PTPRD: variants seen among roughly 807,000 people sequenced by gnomAD.
The protein encoded by PTPRD is protein tyrosine phosphatase receptor type D.
PTPRD carries 34 observed loss-of-function variants against 214.5 expected under a neutral mutation model. The observed-to-expected ratio is 0.16, with a 90% CI of 0.12 to 0.21. The LOEUF is 0.21. Ranked by LOEUF, PTPRD falls within the 10% of genes least tolerant of loss-of-function variation. The probability of loss-of-function intolerance (pLI) is 1.00; values close to 1 mark genes in which losing one functional copy is unlikely to be tolerated. For synonymous variants in PTPRD, 1,128 were observed against 845.7 expected (o/e 1.33, Z -5.79); for missense variants, 2,545 against 2,398.7 (o/e 1.06, Z -1.27).
At chr9:8,344,452 A>ATTT (rs33929426) in intron 39 of PTPRD, among the ~76,000 whole-genome samples, 100 of 150,746 alleles carry the variant, frequency 6.6e-4, no homozygotes, top group Admixed American at 1.5e-3. Flanking sequence ...CATAATGGTG[A>ATTT]TTTTTTTTTT....
chr9:10,517,301 C>T (rs1471648961), intron 2 of PTPRD, among the ~76,000 whole-genome samples: 1 of 151,724 alleles, frequency 6.6e-6, no homozygotes, highest in African/African-American at 2.4e-5. Context: ...AAGTTTATTC[C>T]TAAGTGATTA....
chr9:8,958,938 G>A (rs921941205), intron 11 of PTPRD: 5 of 151,926 alleles, frequency 3.3e-5, no homozygotes, highest in Non-Finnish European at 7.4e-5. Context: ...AATGAATTTT[G>A]TTTTAAGTTA....
intron 5 of PTPRD, among the ~76,000 whole-genome samples, chr9:9,844,281 T>A (rs1218041455): frequency 6.6e-6 from 1 of 151,974 alleles, no homozygotes; most frequent in Non-Finnish European, 1.5e-5. Flanking sequence ...ACATCCATCA[T>A]CACCCATGCT....
intron 4 of PTPRD, among the ~76,000 whole-genome samples, chr9:9,969,157 G>A (rs2094919663): frequency 7.1e-6 from 1 of 140,360 alleles, no homozygotes; most frequent in Admixed American, 7.0e-5. Flanking sequence ...AGGTTACATA[G>A]AAATTAGGTG....
intron 10 of PTPRD, among the ~76,000 whole-genome samples, chr9:9,129,316 G>A (rs190966468): frequency 6.6e-6 from 1 of 152,288 alleles, no homozygotes; most frequent in Admixed American, 6.5e-5. Context: ...CTGGAACCCA[G>A]GAGGCAGAGG....
chr9:8,755,697 T>C (rs981137726), intron 11 of PTPRD, among the ~76,000 whole-genome samples: 6 of 152,214 alleles, frequency 3.9e-5, no homozygotes, highest in African/African-American at 1.4e-4. Flanking sequence ...AACAGCTTAT[T>C]AATGCATAGT....
intron 36 of PTPRD, among the ~76,000 whole-genome samples, chr9:8,402,699 C>A (rs200523670): frequency 6.8e-6 from 1 of 146,052 alleles, no homozygotes; most frequent in Admixed American, 6.9e-5. Flanking sequence ...CACAAAAAAA[C>A]CTGTATTTTT....
In PTPRD at chr9:10,555,626, G is replaced by C. The variant is rs528907845; in HGVS notation, c.-600+56772C>G. On this transcript the variant is annotated intron_variant, in intron 2 of 45. Coordinates refer to ENST00000381196, the MANE Select transcript of PTPRD (RefSeq NM_002839.4). ...ACTCAACATTCTAATTACCGGCCTT[G>C]AAAATGTATTCCTTTTTGCACACAG... is the stretch of plus-strand genomic sequence containing the variant. Among the ~76,000 whole-genome samples the C allele has an allele frequency of 1.6e-3, 240 of 152,264 alleles. 1 individual carries two copies. The highest frequency in any genetic ancestry group is 5.4e-3 in the African/African-American group (225 of 41,558).
intron 3 of PTPRD, among the ~76,000 whole-genome samples, chr9:10,146,864 C>T (rs2099026250): frequency 1.3e-5 from 2 of 152,200 alleles, no homozygotes; most frequent in South Asian, 4.1e-4. Context: ...TTGAGAAGTT[C>T]AGGAAGCCTT....
At chr9:10,584,860 C>A (rs2073383532) in intron 2 of PTPRD, among the ~76,000 whole-genome samples, 1 of 152,122 alleles carries the variant, frequency 6.6e-6, no homozygotes, top group Non-Finnish European at 1.5e-5. Flanking sequence ...TGGACTATTT[C>A]TGAACCAGAA....
At chr9:9,665,718 G>C (rs2096709231) in intron 7 of PTPRD, among the ~76,000 whole-genome samples, 1 of 151,526 alleles carries the variant, frequency 6.6e-6, no homozygotes, top group Non-Finnish European at 1.5e-5. Flanking sequence ...TTTTTTCCTA[G>C]CCCACATTAA....
At chr9:8,739,952 C>T (rs781482496) in intron 11 of PTPRD, among the ~76,000 whole-genome samples, 11 of 152,228 alleles carry the variant, frequency 7.2e-5, no homozygotes, top group Non-Finnish European at 1.2e-4. Context: ...GATTGTGAGG[C>T]GTCCCCAGCC....
At chr9:9,404,474 G>A (rs1002773357) in intron 8 of PTPRD, among the ~76,000 whole-genome samples, 1 of 152,084 alleles carries the variant, frequency 6.6e-6, no homozygotes, top group Non-Finnish European at 1.5e-5. Context: ...AGATATTAAG[G>A]ATTATTGCTG....
intron 11 of PTPRD, chr9:8,862,209 A>G (rs971424701): frequency 6.6e-6 from 1 of 152,130 alleles, no homozygotes; most frequent in Non-Finnish European, 1.5e-5. Flanking sequence ...TACAAAAATT[A>G]TCTGGGCGTG....
At chr9:10,589,949 A>G (rs2075012865) in intron 2 of PTPRD, among the ~76,000 whole-genome samples, 1 of 152,116 alleles carries the variant, frequency 6.6e-6, no homozygotes, top group Non-Finnish European at 1.5e-5. Flanking sequence ...TACTATTAAT[A>G]TGACTCCATT....
At chr9:8,386,624 G>A (rs542926222) in intron 37 of PTPRD, among the ~76,000 whole-genome samples, 8 of 152,120 alleles carry the variant, frequency 5.3e-5, no homozygotes, top group African/African-American at 1.4e-4. Context: ...GAAGTTGGCT[G>A]CTGGGAATTG....
At chr9:9,328,772 G>C (rs1448194406) in intron 9 of PTPRD, among the ~76,000 whole-genome samples, 5 of 150,740 alleles carry the variant, frequency 3.3e-5, no homozygotes, top group Non-Finnish European at 5.9e-5. Context: ...CAGTCACTGG[G>C]ATTACAGGTG....
At chr9:8,614,888 G>A (rs1469068902) in intron 14 of PTPRD, among the ~76,000 whole-genome samples, 1 of 152,088 alleles carries the variant, frequency 6.6e-6, no homozygotes, top group African/African-American at 2.4e-5. Context: ...ACTCCACCAA[G>A]GAAGAGGGCT....
chr9:9,564,545 C>T (rs1591690852), intron 8 of PTPRD, among the ~76,000 whole-genome samples: 2 of 152,126 alleles, frequency 1.3e-5, no homozygotes, highest in African/African-American at 2.4e-5. Flanking sequence ...CTAGATGATT[C>T]TCTTGCACAC....
Sources: allele counts gnomAD v4.1 joint callset (sites outside exome capture counted in the v4.1 genomes callset), GRCh38; gene constraint gnomAD v4.1.1; transcripts MANE v1.5; gene names NCBI Gene and HGNC (gene_info 2026-07-23, HGNC 2026-07-21).